The following FSTL5 variants were observed in gnomAD, a reference collection of about 807,000 sequenced individuals.
FSTL5 encodes follistatin like 5, also known as follistatin-related protein 5.
A neutral mutation model predicts 89.1 loss-of-function variants in FSTL5; 62 were observed. The ratio of observed to expected loss-of-function variants is 0.70; its 90% CI spans 0.57 to 0.86. The LOEUF (loss-of-function observed/expected upper bound fraction) is 0.86, where lower values mean the gene tolerates loss of function less well. Ranked by LOEUF, FSTL5 falls within the 40% of genes least tolerant of loss-of-function variation. The pLI, the probability that FSTL5 is intolerant of heterozygous loss-of-function variation, is 0.00. For missense variants in FSTL5, 1,057 were observed against 1,001.6 expected (o/e 1.06, Z -0.75); for synonymous variants, 383 against 346.2 (o/e 1.11, Z -1.18).
chr4:162,027,860 C>G (rs998247922), intron 3 of FSTL5, among the ~76,000 whole-genome samples: 3 of 125,898 alleles, frequency 2.4e-5, no homozygotes, highest in Non-Finnish European at 4.9e-5. Context: ...CATGAGAGTG[C>G]ATTCTGCCCT....
At chr4:161,889,720 C>A (rs1329814232) in intron 4 of FSTL5, among the ~76,000 whole-genome samples, 1 of 152,150 alleles carries the variant, frequency 6.6e-6, no homozygotes, top group Non-Finnish European at 1.5e-5. Context: ...AAATAAACTG[C>A]CTCCTCTCCA....
At chr4:161,578,704 G>A (rs947566304) in intron 8 of FSTL5, among the ~76,000 whole-genome samples, 25 of 151,908 alleles carry the variant, frequency 1.6e-4, no homozygotes, top group Non-Finnish European at 3.4e-4. Flanking sequence ...CAATGATAAA[G>A]AGAAACTCTT....
At chr4:161,910,801 G>C (rs1056860518) in intron 4 of FSTL5, among the ~76,000 whole-genome samples, 3 of 152,054 alleles carry the variant, frequency 2.0e-5, no homozygotes, top group Non-Finnish European at 4.4e-5. Context: ...TTTATGTCCA[G>C]ACTTGGCAGA....
chr4:162,004,371 T>A (rs1031894450), intron 3 of FSTL5, among the ~76,000 whole-genome samples: 1 of 152,210 alleles, frequency 6.6e-6, no homozygotes, highest in Admixed American at 6.5e-5. Context: ...AATTGGCCAC[T>A]GCAATTTACT....
At chr4:161,820,973 C>A (rs1012424227) in intron 4 of FSTL5, among the ~76,000 whole-genome samples, 1 of 147,414 alleles carries the variant, frequency 6.8e-6, no homozygotes, top group East Asian at 2.0e-4. Flanking sequence ...AAACTCTTTA[C>A]AAATAAAAAA....
At chr4:161,522,756 T>A (rs1731082547) in intron 10 of FSTL5, among the ~76,000 whole-genome samples, 1 of 151,706 alleles carries the variant, frequency 6.6e-6, no homozygotes, top group South Asian at 2.1e-4. Flanking sequence ...GATACAAGAA[T>A]AAACAGTCAA....
At chr4:161,733,530 T>A (rs1256691825) in intron 6 of FSTL5, among the ~76,000 whole-genome samples, 2 of 152,060 alleles carry the variant, frequency 1.3e-5, no homozygotes, top group Non-Finnish European at 2.9e-5. Flanking sequence ...ACTGTAGAAC[T>A]TTTTGTAGTG....
At chr4:162,085,001 A>G (rs1488549650) in intron 2 of FSTL5, among the ~76,000 whole-genome samples, 1 of 152,098 alleles carries the variant, frequency 6.6e-6, no homozygotes, top group Non-Finnish European at 1.5e-5. Flanking sequence ...TCTAGAATGG[A>G]ATTTTGTCCT....
rs116536512 is a variant in FSTL5 at position 161,679,635 on chromosome 4, G to A, written c.728-23141C>T. On this transcript the variant is annotated intron_variant, in intron 6 of 15. Transcript: ENST00000306100. ...ATTGAAAACATGTGCTTGGTACACA[G>A]TATAATTGTTAATAGGCATTTATTG... is the stretch of plus-strand genomic sequence containing the variant. Among the ~76,000 whole-genome samples, 1,178 of 151,930 alleles carry A rather than the reference G, an allele frequency of 7.8e-3. 18 individuals carry two copies. The highest frequency in any genetic ancestry group is 0.027 in the African/African-American group (1,103 of 41,532).
intron 4 of FSTL5, among the ~76,000 whole-genome samples, chr4:161,780,398 G>A (rs1016395630): frequency 6.6e-6 from 1 of 152,122 alleles, no homozygotes; most frequent in African/African-American, 2.4e-5. Flanking sequence ...CAGGCAGAGT[G>A]AGATTGGCAT....
At chr4:161,697,912 G>A (rs1423128677) in intron 6 of FSTL5, among the ~76,000 whole-genome samples, 1 of 151,940 alleles carries the variant, frequency 6.6e-6, no homozygotes, top group Non-Finnish European at 1.5e-5. Flanking sequence ...TGAGGACACT[G>A]TCCATTCAGT....
chr4:161,512,268 A>G (rs759213045), intron 10 of FSTL5, among the ~76,000 whole-genome samples: 13 of 152,230 alleles, frequency 8.5e-5, no homozygotes, highest in Admixed American at 1.3e-4. Flanking sequence ...CCAATTGAGT[A>G]CCTAACATGT....
At chr4:161,741,531 A>C (rs1740027323) in intron 6 of FSTL5, among the ~76,000 whole-genome samples, 1 of 152,110 alleles carries the variant, frequency 6.6e-6, no homozygotes, top group Non-Finnish European at 1.5e-5. Flanking sequence ...GTGTTGCTTT[A>C]AGCCAAGGTA....
At chr4:161,387,559 T>C (rs1730687961) in intron 15 of FSTL5, 1 of 152,034 alleles carries the variant, frequency 6.6e-6, no homozygotes, top group African/African-American at 2.4e-5. Context: ...AAAATGACCA[T>C]TTCTACACAT....
chr4:161,796,522 G>A (rs1214401814), intron 4 of FSTL5, among the ~76,000 whole-genome samples: 4 of 151,692 alleles, frequency 2.6e-5, no homozygotes, highest in Non-Finnish European at 5.9e-5. Flanking sequence ...TCTCTGTCTT[G>A]TAATTGATGA....
intron 10 of FSTL5, among the ~76,000 whole-genome samples, chr4:161,527,757 A>G (rs376357598): frequency 6.6e-6 from 1 of 151,634 alleles, no homozygotes; most frequent in East Asian, 1.9e-4. Flanking sequence ...GGGATCTAGA[A>G]CTAGAAATAC....
At position 162,058,433 on chromosome 4, in the gene FSTL5, T is replaced by C. The variant is rs1001584391; in HGVS notation, c.127-24775A>G. Among the ~76,000 whole-genome samples, 118 of 147,960 alleles carry C rather than the reference T, an allele frequency of 8.0e-4. 1 individual carries two copies. The highest frequency in any genetic ancestry group is 3.4e-3 in the Middle Eastern group (1 of 290). Reference sequence around the variant, plus strand: ...AACTAATAAATTCCTCTTTTTTTTTTTTTTTTTTTTTGAGACAGGGTCTCG... The same window carrying C: ...AACTAATAAATTCCTCTTTTTTTTTCTTTTTTTTTTTGAGACAGGGTCTCG... On this transcript the variant is annotated intron_variant, in intron 2 of 15. Transcript: ENST00000306100.
At chr4:162,034,132 ACT>A (rs1354553157) in intron 2 of FSTL5, among the ~76,000 whole-genome samples, 1 of 150,800 alleles carries the variant, frequency 6.6e-6, no homozygotes, top group East Asian at 1.9e-4. Flanking sequence ...AGTAGTAATA[ACT>A]CTTGGTGGGC....
At chr4:161,629,176 G>T (rs970922034) in intron 7 of FSTL5, among the ~76,000 whole-genome samples, 2 of 152,088 alleles carry the variant, frequency 1.3e-5, no homozygotes, top group Admixed American at 1.3e-4. Context: ...ACCACAAGCT[G>T]TTTCTGCTTC....
Sources: allele counts gnomAD v4.1 joint callset (sites outside exome capture counted in the v4.1 genomes callset), GRCh38; gene constraint gnomAD v4.1.1; transcripts MANE v1.5; gene names NCBI Gene and HGNC (gene_info 2026-07-23, HGNC 2026-07-21).